The following GK variants were observed in gnomAD, a reference collection of about 807,000 sequenced individuals.
The protein encoded by GK is glycerol kinase, also known as ATP:glycerol 3-phosphotransferase.
GK carries 9 observed loss-of-function variants against 56.4 expected under a neutral mutation model. The observed-to-expected ratio is 0.16, with a 90% CI of 0.10 to 0.28. The LOEUF (loss-of-function observed/expected upper bound fraction) is 0.28. Ranked by LOEUF, GK falls within the 10% of genes least tolerant of loss-of-function variation. The pLI is 1.00. For missense variants in GK, 161 were observed against 431.4 expected (o/e 0.37, Z 5.55); for synonymous variants, 104 against 144.1 (o/e 0.72, Z 1.99).
At chrX:30,691,468 CTTT>C (rs144523573) in intron 5 of GK, among the ~76,000 whole-genome samples, 2 of 72,660 alleles carry the variant, frequency 2.8e-5, no homozygotes, top group African/African-American at 5.6e-5. Context: ...CCAAGGGGTG[CTTT>C]TTTTTTTTTT....
intron 1 of GK, among the ~76,000 whole-genome samples, chrX:30,661,246 C>T (rs1351652983): frequency 3.6e-5 from 4 of 111,726 alleles, no homozygotes; most frequent in Admixed American, 1.9e-4. Context: ...CGTTCCTGTC[C>T]GGAAGCTACT....
chrX:30,676,164 T>C (rs765453630), intron 3 of GK, among the ~76,000 whole-genome samples: 260 of 112,235 alleles, frequency 2.3e-3, no homozygotes, highest in Admixed American at 9.9e-3. Context: ...CTTGAACCCC[T>C]GGGCTCAAGC....
At chrX:30,698,980 T>C (rs2090903991) in intron 9 of GK, among the ~76,000 whole-genome samples, 1 of 107,689 alleles carries the variant, frequency 9.3e-6, no homozygotes, top group African/African-American at 3.4e-5. Context: ...TGTAAAGGGT[T>C]TCTACATTTA....
At chrX:30,691,432 C>A (rs777687354) in intron 5 of GK, among the ~76,000 whole-genome samples, 2 of 106,384 alleles carry the variant, frequency 1.9e-5, no homozygotes, top group Non-Finnish European at 3.9e-5. Flanking sequence ...GATTATAATG[C>A]GTCCCAGTGG....
At chrX:30,653,768 G>A in intron 1 of GK, among the ~76,000 whole-genome samples, 153 bp downstream of exon 1, 1 of 112,426 alleles carries the variant, frequency 8.9e-6, no homozygotes, top group Non-Finnish European at 1.9e-5. Flanking sequence ...TGCCACACTG[G>A]GGATGCCCCA....
In GK at chrX:30,653,627, G is replaced by A; in HGVS notation, c.78+12G>A. On this transcript the variant is annotated intron_variant, in intron 1 of 20. Coordinates refer to ENST00000427190, the MANE Select transcript of GK (RefSeq NM_001205019.2). ...CGACGCGCTTTTTGGTGAGCCCGGG[G>A]TGACATGTGAAGAGGCGCTGAGCCG... 8.4e-7 allele frequency: 1 copy of A among 1,194,323 alleles called. No individual in the cohort carries two copies. Among genetic ancestry groups the A allele is most frequent in the Non-Finnish European group, 1.1e-6 (1 of 879,264 alleles).
At chrX:30,688,898 C>T (rs1934771804) in intron 4 of GK, among the ~76,000 whole-genome samples, 1 of 112,069 alleles carries the variant, frequency 8.9e-6, no homozygotes, top group Non-Finnish European at 1.9e-5. Flanking sequence ...AAGTCATTAA[C>T]CAAAAAAGCC....
chrX:30,673,132 C>A (rs1396943207), intron 3 of GK, among the ~76,000 whole-genome samples: 2 of 111,639 alleles, frequency 1.8e-5, no homozygotes, highest in Non-Finnish European at 3.8e-5. Context: ...TTGAGTGTAG[C>A]TTTTAACTAG....
intron 9 of GK, chrX:30,698,142 A>G (rs765962015): frequency 1.3e-3 from 184 of 138,251 alleles, no homozygotes; most frequent in Non-Finnish European, 2.2e-3. Flanking sequence ...CTTTTTCTGC[A>G]TGCTTCATCA....
chrX:30,665,287 A>G (rs1932996987), intron 1 of GK, among the ~76,000 whole-genome samples: 1 of 111,967 alleles, frequency 8.9e-6, no homozygotes, highest in African/African-American at 3.2e-5. Flanking sequence ...TTCTTAATTT[A>G]CCTTTATCTT....
Position 30,707,640 on chromosome X carries a change from T to A in GK, c.894+42T>A, listed in dbSNP as rs776225760. 1.3e-5 allele frequency: 9 copies of A among 715,154 alleles called. No individual in the cohort carries two copies. In the East Asian group the frequency reaches 1.9e-4, roughly 15 times the overall value. The allele number at this position is 715,154 out of a possible 1,213,427, so 58.9% of individuals were successfully genotyped here. ...AAAAAATTGATTTAAAAGTCTAAGT[T>A]CATCTAAATAATGCTTGAACATAAT... On this transcript the variant is annotated intron_variant, in intron 12 of 20. Coordinates refer to ENST00000427190, the MANE Select transcript of GK (RefSeq NM_001205019.2).
At chrX:30,669,855 T>C (rs1702206441) in intron 3 of GK, among the ~76,000 whole-genome samples, 1 of 112,269 alleles carries the variant, frequency 8.9e-6, no homozygotes, top group Non-Finnish European at 1.9e-5. Flanking sequence ...AAGGATACAA[T>C]GGAGGTAATG....
At chrX:30,710,185 A>G (rs1034797898) in intron 13 of GK, among the ~76,000 whole-genome samples, 1 of 111,655 alleles carries the variant, frequency 9.0e-6, no homozygotes, top group Non-Finnish European at 1.9e-5. Context: ...ACTTTTGACA[A>G]CAGTAAGTAG....
intron 18 of GK, among the ~76,000 whole-genome samples, chrX:30,722,952 C>T (rs908149300): frequency 1.8e-5 from 2 of 111,525 alleles, no homozygotes; most frequent in Non-Finnish European, 3.8e-5. Context: ...CAACATCAAG[C>T]TCATTTTTGT....
intron 1 of GK, among the ~76,000 whole-genome samples, chrX:30,665,265 G>T (rs1334321972): frequency 8.9e-6 from 1 of 111,841 alleles, no homozygotes; most frequent in Non-Finnish European, 1.9e-5. Flanking sequence ...TTTTTAAGGA[G>T]TAGGGAATTG....
At chrX:30,703,222 CA>C (rs1207068149) in intron 11 of GK, among the ~76,000 whole-genome samples, 5 of 111,853 alleles carry the variant, frequency 4.5e-5, no homozygotes, top group Non-Finnish European at 9.4e-5. Flanking sequence ...AGGGAAGTGA[CA>C]AAAAATATAA....
At chrX:30,707,100 G>T (rs1936050457) in intron 11 of GK, among the ~76,000 whole-genome samples, 1 of 111,727 alleles carries the variant, frequency 9.0e-6, no homozygotes, top group Non-Finnish European at 1.9e-5. Context: ...GGAGGCTGAG[G>T]TGGGTGGATC....
intron 8 of GK, 52 bp downstream of exon 8, chrX:30,696,735 CA>C (rs760953179): frequency 7.5e-4 from 666 of 890,105 alleles, no homozygotes; most frequent in South Asian, 2.2e-3. Flanking sequence ...AAAAAACAAA[CA>C]AAAAAAAACC....
intron 18 of GK, 79 bp from the exon 19 acceptor site, chrX:30,724,022 G>T: frequency 1.6e-6 from 1 of 609,448 alleles, no homozygotes; most frequent in Non-Finnish European, 2.8e-6. Context: ...CAAGAATGTT[G>T]AGTGATCATA....
Sources: allele counts gnomAD v4.1 joint callset (sites outside exome capture counted in the v4.1 genomes callset), GRCh38; gene constraint gnomAD v4.1.1; transcripts MANE v1.5; gene names NCBI Gene and HGNC (gene_info 2026-07-23, HGNC 2026-07-21).